The following OLA1 variants were observed in gnomAD, a reference collection of about 807,000 sequenced individuals.
The protein encoded by OLA1 is Obg like ATPase 1.
Under a neutral mutation model 48.4 loss-of-function variants are expected in OLA1, and 14 were observed. The observed-to-expected ratio is 0.29, with a 90% CI of 0.19 to 0.45. The LOEUF (loss-of-function observed/expected upper bound fraction) is 0.45, where lower values mean the gene tolerates loss of function less well. OLA1 is among the 20% of genes least tolerant of loss of function. The probability of loss-of-function intolerance (pLI) is 1.00; values close to 1 mark genes in which losing one functional copy is unlikely to be tolerated. For synonymous variants in OLA1, 127 were observed against 150.4 expected (o/e 0.84, Z 1.14); for missense variants, 325 against 467.1 (o/e 0.70, Z 2.80).
chr2:174,210,593 T>C (rs573681651), intron 4 of OLA1, among the ~76,000 whole-genome samples: 41 of 152,284 alleles, frequency 2.7e-4, no homozygotes, highest in African/African-American at 9.4e-4. Context: ...ATATGTACTA[T>C]AGAATGACCC....
intron 4 of OLA1, among the ~76,000 whole-genome samples, chr2:174,150,854 T>G (rs1686728864): frequency 6.6e-6 from 1 of 152,164 alleles, no homozygotes; most frequent in Non-Finnish European, 1.5e-5. Flanking sequence ...AGCAAAGACT[T>G]TAAATCTAAG....
At chr2:174,082,985 C>A (rs760702421) in intron 7 of OLA1, among the ~76,000 whole-genome samples, 10 of 151,916 alleles carry the variant, frequency 6.6e-5, no homozygotes, top group Non-Finnish European at 1.5e-4. Context: ...AATAATAGTA[C>A]ATATTATATT....
intron 7 of OLA1, among the ~76,000 whole-genome samples, chr2:174,095,895 A>AT (rs1378051101): frequency 6.6e-6 from 1 of 152,172 alleles, no homozygotes; most frequent in Non-Finnish European, 1.5e-5. Context: ...TCCCTGGAGA[A>AT]TATATAATAA....
chr2:174,146,931 T>C (rs1044049381), intron 4 of OLA1, among the ~76,000 whole-genome samples: 5 of 152,156 alleles, frequency 3.3e-5, no homozygotes, highest in Non-Finnish European at 5.9e-5. Flanking sequence ...GGTGGCCTAC[T>C]TAGAAATCAT....
At chr2:174,237,290 T>C (rs1457420929) in intron 2 of OLA1, among the ~76,000 whole-genome samples, 1 of 152,116 alleles carries the variant, frequency 6.6e-6, no homozygotes, top group Non-Finnish European at 1.5e-5. Context: ...CTACACATTT[T>C]GTCCCACAGG....
At chr2:174,121,432 C>A (rs1685912491) in intron 7 of OLA1, among the ~76,000 whole-genome samples, 1 of 152,106 alleles carries the variant, frequency 6.6e-6, no homozygotes, top group Non-Finnish European at 1.5e-5. Context: ...GTGGTAAATT[C>A]TCTTCTGGAA....
At chr2:174,085,887 A>C (rs1203209973) in intron 7 of OLA1, among the ~76,000 whole-genome samples, 2 of 152,056 alleles carry the variant, frequency 1.3e-5, no homozygotes, top group Non-Finnish European at 2.9e-5. Context: ...GACTGCTTTG[A>C]CTTATAGTTT....
intron 2 of OLA1, among the ~76,000 whole-genome samples, chr2:174,238,905 G>C (rs993207753): frequency 1.3e-5 from 2 of 152,102 alleles, no homozygotes; most frequent in African/African-American, 4.8e-5. Context: ...AGGAATATAA[G>C]TGAACATAAA....
At chr2:174,210,867 A>G (rs1688224623) in intron 4 of OLA1, among the ~76,000 whole-genome samples, 1 of 152,184 alleles carries the variant, frequency 6.6e-6, no homozygotes, top group Non-Finnish European at 1.5e-5. Context: ...TTCTTCCTCT[A>G]TCATCATTCT....
chr2:174,187,981 A>G (rs1223792164), intron 4 of OLA1, among the ~76,000 whole-genome samples: 2 of 152,208 alleles, frequency 1.3e-5, no homozygotes, highest in African/African-American at 4.8e-5. Flanking sequence ...TGCAAAATAT[A>G]TACCTTCAGA....
chr2:174,145,689 T>G (rs1686578999), intron 4 of OLA1, among the ~76,000 whole-genome samples: 1 of 152,224 alleles, frequency 6.6e-6, no homozygotes, highest in East Asian at 1.9e-4. Flanking sequence ...TTTTGACATG[T>G]GATACTAATT....
chr2:174,143,208 T>G (rs1686499127), intron 4 of OLA1, among the ~76,000 whole-genome samples: 1 of 152,164 alleles, frequency 6.6e-6, no homozygotes, highest in African/African-American at 2.4e-5. Flanking sequence ...TGTAAAGCAA[T>G]ATTTAAGTTT....
intron 4 of OLA1, among the ~76,000 whole-genome samples, chr2:174,163,764 AT>A (rs1558984650): frequency 1.4e-4 from 4 of 28,164 alleles, no homozygotes; most frequent in East Asian, 2.7e-3. Flanking sequence ...ATATATATAT[AT>A]ATATATATAT....
intron 5 of OLA1, among the ~76,000 whole-genome samples, chr2:174,126,100 T>G (rs1280805563): frequency 1.3e-5 from 2 of 152,118 alleles, no homozygotes; most frequent in Non-Finnish European, 1.5e-5. Context: ...ATAGTTTCAA[T>G]GTGCTCTTTT....
intron 7 of OLA1, among the ~76,000 whole-genome samples, chr2:174,118,130 G>T (rs1462563530): frequency 6.6e-6 from 1 of 152,102 alleles, no homozygotes; most frequent in Non-Finnish European, 1.5e-5. Flanking sequence ...GATCTCATGA[G>T]AACTCACTCA....
chr2:174,242,427 G>A (rs983812844), intron 2 of OLA1, among the ~76,000 whole-genome samples: 2 of 152,180 alleles, frequency 1.3e-5, no homozygotes, highest in African/African-American at 4.8e-5. Context: ...CCTGCTGCTC[G>A]CCTCCTGCCA....
chr2:174,167,311 C>T (rs1230229310), intron 4 of OLA1, among the ~76,000 whole-genome samples: 1 of 152,244 alleles, frequency 6.6e-6, no homozygotes, highest in Non-Finnish European at 1.5e-5. Context: ...CGCAGTGGCT[C>T]ACGCCTGTAA....
chr2:174,135,194 A>G (rs1686280056), intron 5 of OLA1, among the ~76,000 whole-genome samples: 1 of 150,986 alleles, frequency 6.6e-6, no homozygotes, highest in Non-Finnish European at 1.5e-5. Flanking sequence ...TGGGAATGGA[A>G]GAGCACCAAA....
chr2:174,207,133 G>T (rs756378011), intron 4 of OLA1, among the ~76,000 whole-genome samples: 4 of 152,150 alleles, frequency 2.6e-5, no homozygotes, highest in African/African-American at 9.7e-5. Flanking sequence ...CCTAAGTTGG[G>T]GGGGAGCAAT....
Sources: gnomAD v4.1 joint callset for allele counts (sites outside exome capture counted in the v4.1 genomes callset) on GRCh38, gnomAD v4.1.1 for gene constraint, MANE v1.5 for transcripts, NCBI Gene and HGNC (gene_info 2026-07-23, HGNC 2026-07-21) for gene names.